The following GPM6A variants were observed in gnomAD, a reference collection of about 807,000 sequenced individuals.
GPM6A encodes the protein neuronal membrane glycoprotein M6-a.
Under a neutral mutation model 32.1 loss-of-function variants are expected in GPM6A, and 7 were observed. That is an observed-to-expected ratio of 0.22 (90% CI 0.12 to 0.41). GPM6A has a LOEUF of 0.41. Ranked by LOEUF, GPM6A falls within the 10% of genes least tolerant of loss-of-function variation. The pLI is 1.00. For missense variants in GPM6A, 235 were observed against 347.2 expected (o/e 0.68, Z 2.57); for synonymous variants, 130 against 123.4 (o/e 1.05, Z -0.35).
At chr4:175,983,678 T>C (rs1740881704) in intron 1 of GPM6A, among the ~76,000 whole-genome samples, 1 of 152,214 alleles carries the variant, frequency 6.6e-6, no homozygotes, top group African/African-American at 2.4e-5. Context: ...TTGGTTTCAA[T>C]TTGCTTAAAA....
At chr4:175,964,815 G>A (rs1484983579) in intron 1 of GPM6A, among the ~76,000 whole-genome samples, 1 of 152,174 alleles carries the variant, frequency 6.6e-6, no homozygotes, top group Non-Finnish European at 1.5e-5. Flanking sequence ...TCAGAGCAAG[G>A]AAGGTTATCA....
intron 1 of GPM6A, among the ~76,000 whole-genome samples, chr4:176,001,912 A>G (rs1322796319): frequency 2.6e-5 from 4 of 152,144 alleles, no homozygotes; most frequent in African/African-American, 7.2e-5. Context: ...GAGGACAGAG[A>G]TCTCCCTGTA....
chr4:175,698,368 A>G (rs181968481), intron 2 of GPM6A, among the ~76,000 whole-genome samples: 1 of 152,178 alleles, frequency 6.6e-6, no homozygotes, highest in African/African-American at 2.4e-5. Flanking sequence ...GCTCTTATAC[A>G]TTCTTTTCCA....
intron 1 of GPM6A, among the ~76,000 whole-genome samples, chr4:175,741,912 T>G (rs1326426979): frequency 6.6e-6 from 1 of 152,072 alleles, no homozygotes; most frequent in Non-Finnish European, 1.5e-5. Flanking sequence ...ATGACAGATC[T>G]TGCAATCAAG....
At chr4:175,690,121 A>G (rs1281538814) in intron 2 of GPM6A, among the ~76,000 whole-genome samples, 4 of 152,198 alleles carry the variant, frequency 2.6e-5, no homozygotes, top group African/African-American at 7.2e-5. Context: ...TTACTGTTGA[A>G]TTGATGTTTT....
intron 1 of GPM6A, among the ~76,000 whole-genome samples, chr4:176,000,881 CT>C (rs1741454776): frequency 6.6e-6 from 1 of 152,136 alleles, no homozygotes; most frequent in South Asian, 2.1e-4. Context: ...AATGTTTTAT[CT>C]TTCTTTTTTA....
At chr4:175,976,320 C>A (rs1740659673) in intron 1 of GPM6A, among the ~76,000 whole-genome samples, 1 of 98,604 alleles carries the variant, frequency 1.0e-5, no homozygotes, top group South Asian at 3.3e-4. Flanking sequence ...TGCCACCACG[C>A]CTGGCTAATT....
At chr4:175,664,186 G>A (rs528860308) in intron 3 of GPM6A, among the ~76,000 whole-genome samples, 17 of 152,148 alleles carry the variant, frequency 1.1e-4, no homozygotes, top group Non-Finnish European at 1.9e-4. Flanking sequence ...AGGGGTTGGG[G>A]GTGAGGGAGG....
intron 1 of GPM6A, among the ~76,000 whole-genome samples, chr4:175,931,615 T>C (rs1172319039): frequency 2.6e-5 from 4 of 151,758 alleles, no homozygotes; most frequent in Admixed American, 6.6e-5. Context: ...TAAAAACTTT[T>C]CCAGATACAC....
At chr4:175,760,236 T>A (rs555740212) in intron 1 of GPM6A, among the ~76,000 whole-genome samples, 19 of 152,014 alleles carry the variant, frequency 1.2e-4, no homozygotes, top group Non-Finnish European at 2.8e-4. Context: ...TCTAAAACGC[T>A]TTCTCCTCCA....
intron 1 of GPM6A, among the ~76,000 whole-genome samples, chr4:175,765,119 C>T (rs1036788593): frequency 6.6e-6 from 1 of 151,904 alleles, no homozygotes; most frequent in African/African-American, 2.4e-5. Context: ...GGTGATCCAC[C>T]CACCTCGGCC....
At chr4:175,642,022 A>G (rs1741176802) in intron 4 of GPM6A, 1 of 152,104 alleles carries the variant, frequency 6.6e-6, no homozygotes, top group Admixed American at 6.6e-5. Flanking sequence ...ATATGTATTT[A>G]CATATTCTTA....
intron 3 of GPM6A, among the ~76,000 whole-genome samples, chr4:175,662,418 G>A (rs1219826171): frequency 6.6e-6 from 1 of 152,080 alleles, no homozygotes; most frequent in African/African-American, 2.4e-5. Context: ...TGGCCAACAT[G>A]GTGAAACCCC....
intron 3 of GPM6A, among the ~76,000 whole-genome samples, chr4:175,663,100 T>C (rs1742527259): frequency 6.6e-6 from 1 of 152,186 alleles, no homozygotes. Context: ...TCTCACATAT[T>C]TTTTATGGGA....
At chr4:175,721,030 T>TAC (rs1746089348) in intron 1 of GPM6A, among the ~76,000 whole-genome samples, 1 of 134,890 alleles carries the variant, frequency 7.4e-6, no homozygotes, top group African/African-American at 2.7e-5. Flanking sequence ...TATATACTAG[T>TAC]ACATATATAT....
intron 1 of GPM6A, among the ~76,000 whole-genome samples, chr4:175,999,561 G>A (rs1444786976): frequency 6.6e-6 from 1 of 151,688 alleles, no homozygotes; most frequent in Non-Finnish European, 1.5e-5. Context: ...TGTGCATTAT[G>A]GATATGAAGG....
chr4:175,729,281 G>C (rs1275531196), intron 1 of GPM6A, among the ~76,000 whole-genome samples: 2 of 152,054 alleles, frequency 1.3e-5, no homozygotes, highest in Non-Finnish European at 2.9e-5. Flanking sequence ...CCGTTTCAGT[G>C]ACAAATTACA....
At chr4:175,945,049 G>C (rs947881179) in intron 1 of GPM6A, among the ~76,000 whole-genome samples, 1 of 151,692 alleles carries the variant, frequency 6.6e-6, no homozygotes, top group African/African-American at 2.4e-5. Flanking sequence ...GGTTTAAAAA[G>C]TAAGCCTTTT....
At chr4:175,804,578 TGAC>T (rs1226278263) in intron 1 of GPM6A, among the ~76,000 whole-genome samples, 1 of 152,222 alleles carries the variant, frequency 6.6e-6, no homozygotes, top group Non-Finnish European at 1.5e-5. Flanking sequence ...TAAGATATAT[TGAC>T]ATTAGACACT....
Sources: gnomAD v4.1 joint callset for allele counts (sites outside exome capture counted in the v4.1 genomes callset) on GRCh38, gnomAD v4.1.1 for gene constraint, MANE v1.5 for transcripts, NCBI Gene and HGNC (gene_info 2026-07-23, HGNC 2026-07-21) for gene names.